The following GRAP variants were observed in gnomAD, a reference collection of about 807,000 sequenced individuals.
GRAP encodes the protein GRB2 related adaptor protein.
A neutral mutation model predicts 9.1 loss-of-function variants in GRAP; 2 were observed. That is an observed-to-expected ratio of 0.22 (90% CI 0.09 to 0.69). The LOEUF is 0.69. Ranked by LOEUF, GRAP falls within the 30% of genes least tolerant of loss-of-function variation. GRAP has a pLI of 0.81. For synonymous variants in GRAP, 68 were observed against 73.6 expected (o/e 0.92, Z 0.39); for missense variants, 113 against 179.4 (o/e 0.63, Z 2.12).
rs372195968 is a variant in GRAP, at chr17:19,024,422, G to A, written c.300-39C>T. The A allele has an allele frequency of 4.1e-4, 652 of 1,593,630 alleles. No individual in the cohort carries two copies. Among genetic ancestry groups the A allele is most frequent in the Non-Finnish European group, 5.1e-4 (602 of 1,169,360 alleles). ...CCCGGGGCCACCTCAGGTGGTGGCC[G>A]TCCCAGCCTGGCATGGTCCCAGGGG... On this transcript the variant is annotated intron_variant, in intron 3 of 4. Coordinates refer to ENST00000284154, the MANE Select transcript of GRAP (RefSeq NM_006613.4). This position sits in a 1 kb window ranked among gnomAD's most constrained non-coding sequence, Gnocchi z 4.2.
At chr17:19,043,346 C>CG (rs1277196439) in intron 1 of GRAP, among the ~76,000 whole-genome samples, 1 of 129,998 alleles carries the variant, frequency 7.7e-6, no homozygotes, top group African/African-American at 2.8e-5. Context: ...CAAAACAGGC[C>CG]GGGCGCAGTG....
chr17:19,021,598 T>G lies in GRAP; in HGVS notation c.*361A>C, dbSNP rs1040930456. The G allele has an allele frequency of 2.6e-6, 1 of 384,724 alleles. No individual in the cohort carries two copies. The highest frequency in any genetic ancestry group is 2.1e-5 in the African/African-American group (1 of 48,434). The allele number at this position is 384,724 out of a possible 1,614,324, so 23.8% of individuals were successfully genotyped here. A position where few individuals can be genotyped will look rare whatever the true frequency, so the allele number is the denominator to read the frequency against. On this transcript the variant is annotated 3_prime_UTR_variant, in exon 5 of 5. Coordinates refer to ENST00000284154, the MANE Select transcript of GRAP (RefSeq NM_006613.4). The surrounding 1 kb of genome is among the most constrained non-coding windows in gnomAD (Gnocchi z 4.1). ...ACCCACCCACCATGGCCAGGGTTCC[T>G]TAGGTTGAGCCTCCAGTGGGTGAAA...
At chr17:19,022,187 C>T (rs2044275964) in intron 4 of GRAP, 43 bp from the exon 5 acceptor site, 2 of 1,160,846 alleles carry the variant, frequency 1.7e-6, no homozygotes, top group Non-Finnish European at 2.3e-6. Flanking sequence ...TTCAGAAGCC[C>T]TGCAACCCAC....
chr17:19,025,630 T>C (rs1255477521), intron 3 of GRAP, among the ~76,000 whole-genome samples: 4 of 142,492 alleles, frequency 2.8e-5, no homozygotes, highest in Admixed American at 7.3e-5. Context: ...TTTTTTTTTT[T>C]GAGGCGTAGT....
At position 19,021,945 on chromosome 17, in the gene GRAP, G is replaced by C; in HGVS notation, c.*14C>G. On this transcript the variant is annotated 3_prime_UTR_variant, in exon 5 of 5. Transcript: ENST00000284154. This position sits in a 1 kb window ranked among gnomAD's most constrained non-coding sequence, Gnocchi z 4.1. ...TGTAAAAAGGCCCGTTGGCCAGATC[G>C]GCCGCCGGGCTGCTCACAGGTGCAC... The C allele has an allele frequency of 1.3e-6, 2 of 1,497,582 alleles. No individual in the cohort carries two copies. Among genetic ancestry groups the C allele is most frequent in the East Asian group, 2.4e-5 (1 of 41,182 alleles). 92.8% of individuals were successfully genotyped at this position (1,497,582 alleles called of 1,614,324 possible). A position where few individuals can be genotyped will look rare whatever the true frequency, so the allele number is the denominator to read the frequency against.
At chr17:19,050,976 T>C (rs1336266364), upstream of GRAP, among the ~76,000 whole-genome samples, 5 of 140,632 alleles carry the variant, frequency 3.6e-5, no homozygotes, top group Admixed American at 1.5e-4. Context: ...GAGGTGGAGA[T>C]TGCAGTGAGC....
In GRAP at chr17:19,020,679, A is replaced by G. The variant is rs551950664; in HGVS notation, c.*1280T>C. 3.4e-3 allele frequency: 1,849 copies of G among 548,348 alleles called. 10 individuals carry two copies. The highest frequency in any genetic ancestry group is 4.9e-3 in the Non-Finnish European group (1,502 of 304,646). 34.0% of individuals were successfully genotyped at this position (548,348 alleles called of 1,614,324 possible). ...CATTGGAAGGAAAATTAGATTTCTG[A>G]CGGACATCCTGATGTTGGTTTTACT... On this transcript the variant is annotated 3_prime_UTR_variant, in exon 5 of 5. Coordinates refer to ENST00000284154, the MANE Select transcript of GRAP (RefSeq NM_006613.4).
At chr17:19,027,484 G>GCACACA (rs776285201) in intron 3 of GRAP, among the ~76,000 whole-genome samples, 2,335 of 121,138 alleles carry the variant, frequency 0.019, 65 homozygotes, top group African/African-American at 0.028. Flanking sequence ...GCGCGCGCGC[G>GCACACA]CACACACACA....
intron 4 of GRAP, 31 bp from the exon 5 acceptor site, chr17:19,022,175 C>A (rs1206189549): frequency 8.5e-6 from 11 of 1,287,914 alleles, no homozygotes; most frequent in South Asian, 1.7e-5. Context: ...TAGTAGGGTG[C>A]CTTCAGAAGC....
chr17:19,024,957 C>A lies in GRAP; in HGVS notation c.300-574G>T, dbSNP rs1229502135. Among the ~76,000 whole-genome samples the A allele has an allele frequency of 2.0e-5, 3 of 152,186 alleles. No homozygotes were observed. The highest frequency in any genetic ancestry group is 6.5e-5 in the Admixed American group (1 of 15,278). On this transcript the variant is annotated intron_variant, in intron 3 of 4. Transcript: ENST00000284154. This position sits in a 1 kb window ranked among gnomAD's most constrained non-coding sequence, Gnocchi z 4.2. Reference sequence around the variant, plus strand: ...ACGTCCTCCCCCTCCCATGAACCTTCCGTGGCTTCTCCCTTGGCCTCAGGG... The same window carrying A: ...ACGTCCTCCCCCTCCCATGAACCTTACGTGGCTTCTCCCTTGGCCTCAGGG...
chr17:19,022,169 A>G, intron 4 of GRAP, 25 bp from the exon 5 acceptor site: 1 of 1,366,040 alleles, frequency 7.3e-7, no homozygotes, highest in South Asian at 1.6e-5. Flanking sequence ...GGTGGTTAGT[A>G]GGGTGCCTTC....
In GRAP at chr17:19,021,972, G is replaced by A. The variant is rs779619850; in HGVS notation, c.641C>T (p.Pro214Leu). Residue 214 changes from proline to leucine, a missense_variant, in exon 5 of 5, where the codon CCC (proline) becomes CTC (leucine). Transcript: ENST00000284154. This position sits in a 1 kb window ranked among gnomAD's most constrained non-coding sequence, Gnocchi z 4.1. ...CCGCCGGGCTGCTCACAGGTGCACG[G>A]GCTGCACGTAACTCCGTGGGAAGAA... Reference protein sequence around the residue: ...VGFFPRSYVQPVHL With the variant: ...VGFFPRSYVQLVHL The A allele has an allele frequency of 6.4e-7, 1 of 1,565,198 alleles. No homozygotes were observed. Among genetic ancestry groups the A allele is most frequent in the Non-Finnish European group, 8.6e-7 (1 of 1,156,912 alleles).
In GRAP at chr17:19,021,951, C is replaced by T. The variant is rs766873552; in HGVS notation, c.*8G>A. On this transcript the variant is annotated 3_prime_UTR_variant, in exon 5 of 5. Coordinates refer to ENST00000284154, the MANE Select transcript of GRAP (RefSeq NM_006613.4). This position sits in a 1 kb window ranked among gnomAD's most constrained non-coding sequence, Gnocchi z 4.1. ...AAGGCCCGTTGGCCAGATCGGCCGC[C>T]GGGCTGCTCACAGGTGCACGGGCTG... The T allele has an allele frequency of 2.7e-6, 4 of 1,509,114 alleles. No individual in the cohort carries two copies. Among genetic ancestry groups the T allele is most frequent in the Admixed American group, 2.2e-5 (1 of 44,652 alleles). The allele number at this position is 1,509,114 out of a possible 1,614,324, so 93.5% of individuals were successfully genotyped here.
upstream of GRAP, among the ~76,000 whole-genome samples, chr17:19,048,143 G>A (rs1292215382): frequency 1.8e-5 from 2 of 111,310 alleles, no homozygotes; most frequent in Non-Finnish European, 3.8e-5. Flanking sequence ...CTGGGTGACA[G>A]AGCGAGTCTC....
chr17:19,049,787 T>TA (rs1464658764), upstream of GRAP, among the ~76,000 whole-genome samples: 1 of 147,622 alleles, frequency 6.8e-6, no homozygotes, highest in Non-Finnish European at 1.5e-5. Context: ...CTACTAAAAA[T>TA]AAAAAATTAG....
chr17:19,024,493 C>G lies in GRAP; in HGVS notation c.300-110G>C. Reference sequence around the variant, plus strand: ...GGAACCAGCCTGTCTCACGGTGGGACCTGGAGTCAGATAAGGTGCAAGTGG... The same window carrying G: ...GGAACCAGCCTGTCTCACGGTGGGAGCTGGAGTCAGATAAGGTGCAAGTGG... On this transcript the variant is annotated intron_variant, in intron 3 of 4. Transcript: ENST00000284154. The surrounding 1 kb of genome is among the most constrained non-coding windows in gnomAD (Gnocchi z 4.2). 1 of 1,477,104 alleles carries G rather than the reference C, an allele frequency of 6.8e-7. No individual in the cohort carries two copies. The highest frequency in any genetic ancestry group is 2.5e-5 in the East Asian group (1 of 40,366). 91.5% of individuals were successfully genotyped at this position (1,477,104 alleles called of 1,614,324 possible). A position where few individuals can be genotyped will look rare whatever the true frequency, so the allele number is the denominator to read the frequency against.
intron 3 of GRAP, among the ~76,000 whole-genome samples, chr17:19,025,063 G>A (rs544581001): frequency 6.6e-6 from 1 of 152,256 alleles, no homozygotes; most frequent in Admixed American, 6.5e-5. Flanking sequence ...CTCCGATGAA[G>A]CAAGCAGGCC....
intron 4 of GRAP, 126 bp from the exon 5 acceptor site, chr17:19,022,270 A>G (rs762051684): frequency 7.5e-6 from 4 of 533,616 alleles, no homozygotes; most frequent in Middle Eastern, 4.3e-4. Context: ...CCGGAGTTGA[A>G]CTTTAAGTCC....
rs763370391 is a variant in GRAP at position 19,024,194 on chromosome 17, C to A, written c.468+21G>T. The stretch of plus-strand genomic sequence containing the variant: ...GGAGGTGCAGAGAGGCTCCCACAGG[C>A]CAGCCCCCACCCGCCCCTACCTTGA... On this transcript the variant is annotated intron_variant, in intron 4 of 4. Coordinates refer to ENST00000284154, the MANE Select transcript of GRAP (RefSeq NM_006613.4). The surrounding 1 kb of genome is among the most constrained non-coding windows in gnomAD (Gnocchi z 4.2). The A allele has an allele frequency of 5.8e-6, 9 of 1,564,242 alleles. No homozygotes were observed. The East Asian group carries it at 2.2e-4, about 38-fold the overall frequency.
Sources: gnomAD v4.1 joint callset for allele counts (sites outside exome capture counted in the v4.1 genomes callset) on GRCh38, gnomAD v4.1.1 for gene constraint, Gnocchi (gnomAD v3.1) non-coding constraint, MANE v1.5 for transcripts, NCBI Gene and HGNC (gene_info 2026-07-23, HGNC 2026-07-21) for gene names.